Variants in CTCFL observed in about 807,000 individuals in gnomAD.
CTCFL encodes the protein transcriptional repressor CTCFL.
A neutral mutation model predicts 67.4 loss-of-function variants in CTCFL; 36 were observed. That is an observed-to-expected ratio of 0.53 (90% CI 0.41 to 0.71). The LOEUF (loss-of-function observed/expected upper bound fraction) is 0.71, where lower values mean the gene tolerates loss of function less well. CTCFL is among the 30% of genes least tolerant of loss of function. The pLI is 0.00. For missense variants in CTCFL, 786 were observed against 835.2 expected, an observed-to-expected ratio of 0.94 and a Z score of 0.73; for synonymous variants, 324 against 302.3, an observed-to-expected ratio of 1.07 and a Z score of -0.75.
At position 57,516,669 on chromosome 20, in the gene CTCFL, G is replaced by A. The variant is rs561847115; in HGVS notation, c.1060-835C>T. 1.1e-3 allele frequency among the ~76,000 whole-genome samples: 171 copies of A among 152,364 alleles called. 1 individual carries two copies. Among genetic ancestry groups the A allele is most frequent in the Middle Eastern group, 3.4e-3 (1 of 294 alleles). On this transcript the variant is annotated intron_variant, in intron 5 of 10. Coordinates refer to ENST00000243914, the MANE Select transcript of CTCFL (RefSeq NM_001386993.1). ...CCCCACAGTAACAGTGTGAGTGGAG[G>A]AAGGTGTCCCTGGCTATTCAGCATT...
At chr20:57,516,360 A>C (rs899767996) in intron 5 of CTCFL, among the ~76,000 whole-genome samples, 9 of 152,220 alleles carry the variant, frequency 5.9e-5, no homozygotes, top group African/African-American at 1.9e-4. Context: ...CAACATAGCA[A>C]AACCCTGTCT....
intron 9 of CTCFL, chr20:57,507,458 G>C (rs1030106988): frequency 4.7e-6 from 3 of 643,998 alleles, no homozygotes; most frequent in Non-Finnish European, 8.5e-6. Context: ...TTGGCCTCCC[G>C]AAGTACTGGG....
At position 57,497,379 on chromosome 20, in the gene CTCFL, A is replaced by T; in HGVS notation, c.*1171T>A. ...TGGGAAATTATTTCCACATATTCAC[A>T]TTGTATAGGGATTCTGAACTTGTGA... On this transcript the variant is annotated 3_prime_UTR_variant, in exon 11 of 11. Coordinates refer to ENST00000243914, the MANE Select transcript of CTCFL (RefSeq NM_001386993.1). The T allele has an allele frequency of 1.0e-6, 1 of 985,148 alleles. No homozygotes were observed. The highest frequency in any genetic ancestry group is 1.7e-5 in the African/African-American group (1 of 57,328). 61.0% of individuals were successfully genotyped at this position (985,148 alleles called of 1,614,324 possible). A position where few individuals can be genotyped will look rare whatever the true frequency, so the allele number is the denominator to read the frequency against.
In CTCFL at chr20:57,519,353, T is replaced by A. The variant is rs756026250; in HGVS notation, c.779A>T (p.Asp260Val). 8 of 1,614,076 alleles carry A rather than the reference T, an allele frequency of 5.0e-6. No homozygotes were observed. The East Asian group carries it at 1.8e-4, about 36-fold the overall frequency. Residue 260 changes from aspartate to valine, a missense_variant, in exon 4 of 11, where the codon GAT becomes GTT. Transcript: ENST00000243914. ...TKGAKGTFHC[D>V]VCMFTSSRMS... ...TCTAGAAGAGGTGAACATGCAGACA[T>A]CACAGTGGAAGGTTCCTTTTGCTCC...
chr20:57,518,513 T>C (rs1205087261), intron 5 of CTCFL: 1 of 1,409,982 alleles, frequency 7.1e-7, no homozygotes, highest in East Asian at 2.5e-5. Context: ...TGACCACAGA[T>C]GGTTTATTTG....
intron 1 of CTCFL, chr20:57,524,753 G>GAGCC (rs2069732351): frequency 1.0e-6 from 1 of 987,386 alleles, no homozygotes; most frequent in African/African-American, 1.7e-5. Context: ...AGCACCCTCA[G>GAGCC]AGCCAGGCAG....
At chr20:57,503,307 T>A (rs2146294106) in intron 10 of CTCFL, 129 bp downstream of exon 10, 1 of 1,106,246 alleles carries the variant, frequency 9.0e-7, no homozygotes, top group East Asian at 2.4e-5. Context: ...ACAAGCCACC[T>A]TGCAGGACCG....
Position 57,523,693 on chromosome 20 carries a change from C to T in CTCFL, c.513G>A (p.Val171=). The T allele has an allele frequency of 6.2e-7, 1 of 1,613,452 alleles. No individual in the cohort carries two copies. Among genetic ancestry groups the T allele is most frequent in the East Asian group, 2.2e-5 (1 of 44,888 alleles). Residue 171 remains valine (V), a synonymous_variant, in exon 2 of 11, where the codon GTG becomes GTA. Transcript: ENST00000243914. ...TCAGTCCAGTAGTTTCAGCCAGGCT[C>T]ACCGCTAACTTACTGTCTTCACTGG... The part of the protein sequence containing the change: ...MVASEDSKLA[V]SLAETTGLIK...
chr20:57,523,067 C>T lies in CTCFL; in HGVS notation c.754+1G>A, dbSNP rs2069509933. On this transcript the variant is annotated splice_donor_variant, in intron 3 of 10. Coordinates refer to ENST00000243914, the MANE Select transcript of CTCFL (RefSeq NM_001386993.1). LOFTEE classifies it high-confidence loss of function. ...GTATTCTATGAGATGAACTGGCCTACCCTTTGTCTTTCTTTGATTTTTTGT... is the reference window on the plus strand; with the variant it reads ...GTATTCTATGAGATGAACTGGCCTATCCTTTGTCTTTCTTTGATTTTTTGT... The T allele has an allele frequency of 6.2e-7, 1 of 1,612,952 alleles. No individual in the cohort carries two copies. The highest frequency in any genetic ancestry group is 8.5e-7 in the Non-Finnish European group (1 of 1,179,360).
At chr20:57,521,023 T>C (rs1246293064) in intron 3 of CTCFL, among the ~76,000 whole-genome samples, 1 of 152,306 alleles carries the variant, frequency 6.6e-6, no homozygotes, top group East Asian at 1.9e-4. Flanking sequence ...TGCAAGCCAA[T>C]GAATGGCACG....
chr20:57,520,931 TAAG>T (rs2069307464), intron 3 of CTCFL, among the ~76,000 whole-genome samples: 1 of 152,110 alleles, frequency 6.6e-6, no homozygotes, highest in Admixed American at 6.5e-5. Context: ...GGTGTCCTTA[TAAG>T]AAGAGGAAAA....
chr20:57,507,366 T>C, intron 9 of CTCFL: 1 of 569,124 alleles, frequency 1.8e-6, no homozygotes, highest in Non-Finnish European at 3.1e-6. Flanking sequence ...TATTTTCTTT[T>C]TTTTTTTTTA....
At position 57,514,004 on chromosome 20, in the gene CTCFL, TC is replaced by T. The variant is rs2068732329; in HGVS notation, c.1330+587del. 5.4e-6 allele frequency: 4 copies of T among 740,952 alleles called. No homozygotes were observed. In the Admixed American group the frequency reaches 9.4e-5, roughly 17 times the overall value. The allele number at this position is 740,952 out of a possible 1,614,324, so 45.9% of individuals were successfully genotyped here. A position where few individuals can be genotyped will look rare whatever the true frequency, so the allele number is the denominator to read the frequency against. On this transcript the variant is annotated intron_variant, in intron 7 of 10. Coordinates refer to ENST00000243914, the MANE Select transcript of CTCFL (RefSeq NM_001386993.1). ...CCTGCTGTTCCAAGACCCTCTGGAT[TC>T]CCTCTCCCACTCTGTGGGGTGTGAC...
chr20:57,507,320 T>C (rs2068262235), intron 9 of CTCFL: 2 of 445,938 alleles, frequency 4.5e-6, no homozygotes, highest in Non-Finnish European at 8.2e-6. Flanking sequence ...ACCACCCAAG[T>C]AGCTGGGATT....
chr20:57,523,990 C>T lies in CTCFL; in HGVS notation c.216G>A (p.Ser72=), dbSNP rs772983555. 9.9e-6 allele frequency: 16 copies of T among 1,613,148 alleles called. No homozygotes were observed. Among genetic ancestry groups the T allele is most frequent in the South Asian group, 8.8e-5 (8 of 91,082 alleles). The change falls in exon 2 of 11, where the codon TCG becomes TCA. Residue 72 remains serine, a synonymous_variant. Transcript: ENST00000243914. ...TCAGGATGTACTTCTCGCTCTCCTC[C>T]GAGGGGGCCAGCACCAGCTCCACTT... ...EEEVELVLAP[S]EESEKYILTL...
At chr20:57,499,586 T>G (rs1187337125) in intron 10 of CTCFL, 1 of 161,572 alleles carries the variant, frequency 6.2e-6, no homozygotes, top group African/African-American at 2.4e-5. Context: ...TTTATTTTTA[T>G]TATTACATTG....
In CTCFL at chr20:57,523,439, C is replaced by CT. The variant is rs575280488; in HGVS notation, c.544-162dup. ...AGGGTTGTGGCAGTGAAACTTAACA[C>CT]TTTTTTTTAAAACATAATGCGCCTT... On this transcript the variant is annotated intron_variant, in intron 2 of 10. Transcript: ENST00000243914. Among the ~76,000 whole-genome samples, 45 of 152,154 alleles carry CT rather than the reference C, an allele frequency of 3.0e-4. No individual in the cohort carries two copies. The East Asian group carries it at 6.6e-3, about 22-fold the overall frequency.
At chr20:57,518,465 A>T in intron 5 of CTCFL, 2 of 1,343,144 alleles carry the variant, frequency 1.5e-6, no homozygotes, top group South Asian at 3.3e-5. Flanking sequence ...GTACTAGATA[A>T]AATGCAGAAC....
At chr20:57,510,879 A>AT (rs1303873438) in intron 8 of CTCFL, among the ~76,000 whole-genome samples, 1 of 152,160 alleles carries the variant, frequency 6.6e-6, no homozygotes, top group Non-Finnish European at 1.5e-5. Context: ...TAAAAAAAGA[A>AT]TTCAGATGGA....
Sources: gnomAD v4.1 joint callset for allele counts (sites outside exome capture counted in the v4.1 genomes callset) on GRCh38, gnomAD v4.1.1 for gene constraint, MANE v1.5 for transcripts, NCBI Gene and HGNC (gene_info 2026-07-23, HGNC 2026-07-21) for gene names.